Variants in PCDH15 observed in about 807,000 individuals in gnomAD.
PCDH15 encodes protocadherin-15.
In PCDH15, 129 loss-of-function variants were observed where a neutral mutation model predicts 178.5. The observed-to-expected ratio is 0.72, with a 90% CI of 0.63 to 0.84. The LOEUF (loss-of-function observed/expected upper bound fraction) is 0.84, where lower values mean the gene tolerates loss of function less well. Ranked by LOEUF, PCDH15 falls within the 40% of genes least tolerant of loss-of-function variation. PCDH15 has a pLI of 0.00. For synonymous variants in PCDH15, 800 were observed against 732.0 expected, an observed-to-expected ratio of 1.09 and a Z score of -1.50; for missense variants, 2,230 against 2,099.9, an observed-to-expected ratio of 1.06 and a Z score of -1.21.
At chr10:54,085,840 TTTATTTCA>T (rs1390498202) in intron 16 of PCDH15, among the ~76,000 whole-genome samples, 1 of 152,184 alleles carries the variant, frequency 6.6e-6, no homozygotes, top group Non-Finnish European at 1.5e-5. Flanking sequence ...TTGGCATACT[TTTATTTCA>T]TTAAAGGAAA....
chr10:54,149,815 A>G (rs999500097), intron 14 of PCDH15, among the ~76,000 whole-genome samples: 1 of 152,144 alleles, frequency 6.6e-6, no homozygotes, highest in East Asian at 1.9e-4. Context: ...AACACTCTAG[A>G]CTAGAGATTG....
intron 3 of PCDH15, among the ~76,000 whole-genome samples, chr10:54,853,794 A>G (rs575482512): frequency 1.3e-5 from 2 of 152,190 alleles, no homozygotes; most frequent in Non-Finnish European, 2.9e-5. Context: ...GATATGCATC[A>G]TATTACATTT....
At chr10:54,821,045 C>A (rs973139356) in intron 3 of PCDH15, among the ~76,000 whole-genome samples, 1 of 151,976 alleles carries the variant, frequency 6.6e-6, no homozygotes, top group Non-Finnish European at 1.5e-5. Context: ...ACTATCAATT[C>A]TTTGCACTTC....
At chr10:55,105,848 T>C (rs1030762862) in intron 2 of PCDH15, among the ~76,000 whole-genome samples, 3 of 152,004 alleles carry the variant, frequency 2.0e-5, no homozygotes, top group Admixed American at 1.3e-4. Flanking sequence ...AAAAAAGTGA[T>C]TTTTTCTTAA....
At position 55,172,158 on chromosome 10, in the gene PCDH15, C is replaced by T. The variant is rs1839352818; in HGVS notation, c.-155-5507G>A. On this transcript the variant is annotated intron_variant, in intron 1 of 5. Coordinates refer to the PCDH15 transcript ENST00000458638. ...ATAAATAATATAAAATATAAATTGT[C>T]AAGAGAATAAATTTATATTTCATAA... Among the ~76,000 whole-genome samples, 3 of 151,570 alleles carry T rather than the reference C, an allele frequency of 2.0e-5. No homozygotes were observed. The South Asian group carries it at 6.2e-4, about 31-fold the overall frequency.
chr10:55,333,297 G>C (rs2132312622), intron 2 of PCDH15, among the ~76,000 whole-genome samples: 1 of 152,158 alleles, frequency 6.6e-6, no homozygotes, highest in East Asian at 1.9e-4. Flanking sequence ...ACAGATTTAG[G>C]GGAAATGTAG....
At chr10:54,598,978 C>A (rs2092382965) in intron 2 of PCDH15, among the ~76,000 whole-genome samples, 1 of 151,540 alleles carries the variant, frequency 6.6e-6, no homozygotes, top group Non-Finnish European at 1.5e-5. Flanking sequence ...TCAGAGATAA[C>A]AGAAATAAAT....
chr10:53,929,880 A>G (rs1199053707), intron 25 of PCDH15, among the ~76,000 whole-genome samples: 1 of 152,206 alleles, frequency 6.6e-6, no homozygotes, highest in Non-Finnish European at 1.5e-5. Context: ...ATTTTACCAT[A>G]AAGCAAAAAT....
chr10:54,665,115 A>G (rs2094549767), intron 1 of PCDH15, among the ~76,000 whole-genome samples: 1 of 151,810 alleles, frequency 6.6e-6, no homozygotes, highest in South Asian at 2.1e-4. Context: ...GAGGTTCCAA[A>G]CTCAAATGCC....
chr10:53,810,632 C>T lies in PCDH15; in HGVS notation c.4595G>A (p.Arg1532Gln), dbSNP rs749774874. ...YEMPQYGSRRRLLPPAGQEEY... is the reference protein window; with the variant it reads ...YEMPQYGSRRQLLPPAGQEEY... ...CTCCTGTCCAGCTGGTGGTAACAAT[C>T]GACGGCGACTCCCATATTGAGGCAT... The change falls in exon 37 of 38, where the codon CGA (arginine) becomes CAA (glutamine). Residue 1532 changes from arginine (R) to glutamine (Q), a missense_variant. Arg to Gln is a conservative substitution (Grantham distance 43). Transcript: ENST00000644397. 6.2e-6 allele frequency: 10 copies of T among 1,613,682 alleles called. No individual in the cohort carries two copies. The African/African-American group carries it at 8.0e-5, about 13-fold the overall frequency.
chr10:55,299,930 A>G (rs16907220), intron 1 of PCDH15, among the ~76,000 whole-genome samples: 30,875 of 152,156 alleles, frequency 0.2, 5,006 homozygotes, highest in African/African-American at 0.45. Context: ...CATGTCACAT[A>G]AAGAATACAG....
chr10:55,033,964 A>G (rs1840674649), intron 2 of PCDH15, among the ~76,000 whole-genome samples: 1 of 151,844 alleles, frequency 6.6e-6, no homozygotes, highest in Non-Finnish European at 1.5e-5. Context: ...TTGTCCCTTC[A>G]CCTTCTATCA....
At chr10:54,193,416 T>C (rs1363065308) in intron 11 of PCDH15, among the ~76,000 whole-genome samples, 1 of 152,208 alleles carries the variant, frequency 6.6e-6, no homozygotes, top group Non-Finnish European at 1.5e-5. Context: ...CCAGTTCTAT[T>C]AAGGTATGAC....
intron 16 of PCDH15, among the ~76,000 whole-genome samples, chr10:54,088,308 A>G (rs2094546773): frequency 6.6e-6 from 1 of 152,218 alleles, no homozygotes; most frequent in South Asian, 2.1e-4. Flanking sequence ...ACAAATGAAC[A>G]GTGATCGTGA....
At chr10:55,350,628 A>G (rs1844900210) in intron 2 of PCDH15, among the ~76,000 whole-genome samples, 1 of 152,006 alleles carries the variant, frequency 6.6e-6, no homozygotes. Flanking sequence ...GAAGATAGAA[A>G]ATGGAGTTTT....
chr10:55,156,038 C>A (rs1838879133), intron 2 of PCDH15, among the ~76,000 whole-genome samples: 1 of 152,026 alleles, frequency 6.6e-6, no homozygotes, highest in South Asian at 2.1e-4. Context: ...TCACAGGAAA[C>A]CCACGAAGAG....
intron 2 of PCDH15, among the ~76,000 whole-genome samples, chr10:55,164,215 C>T (rs1839137557): frequency 6.6e-6 from 1 of 151,852 alleles, no homozygotes; most frequent in East Asian, 1.9e-4. Context: ...AGTTGGAGTA[C>T]TTGAGTACAG....
intron 1 of PCDH15, among the ~76,000 whole-genome samples, chr10:55,256,201 T>C (rs1841993009): frequency 1.3e-5 from 2 of 152,220 alleles, no homozygotes; most frequent in African/African-American, 2.4e-5. Flanking sequence ...ATTTATTAAA[T>C]AGGGAATCCT....
At chr10:55,157,305 A>G (rs2132108417) in intron 2 of PCDH15, among the ~76,000 whole-genome samples, 1 of 151,152 alleles carries the variant, frequency 6.6e-6, no homozygotes, top group East Asian at 2.0e-4. Context: ...TCAGGAAACA[A>G]CAGGTGCTGG....
Sources: allele counts gnomAD v4.1 joint callset (sites outside exome capture counted in the v4.1 genomes callset), GRCh38; gene constraint gnomAD v4.1.1; transcripts MANE v1.5; gene names NCBI Gene and HGNC (gene_info 2026-07-23, HGNC 2026-07-21).